CYP4X1: variants seen among roughly 807,000 people sequenced by gnomAD.
The protein encoded by CYP4X1 is cytochrome P450 family 4 subfamily X member 1, also known as cytochrome P450 4X1.
A neutral mutation model predicts 57.9 loss-of-function variants in CYP4X1; 44 were observed. The observed-to-expected ratio is 0.76, with a 90% CI of 0.60 to 0.98. The LOEUF (loss-of-function observed/expected upper bound fraction) is 0.98, where lower values mean the gene tolerates loss of function less well. Ranked by LOEUF, CYP4X1 falls within the 50% of genes least tolerant of loss-of-function variation. CYP4X1 has a pLI of 0.00. For synonymous variants in CYP4X1, 227 were observed against 228.6 expected, an observed-to-expected ratio of 0.99 and a Z score of 0.06; for missense variants, 532 against 623.9, an observed-to-expected ratio of 0.85 and a Z score of 1.57.
chr1:47,026,950 C>T (rs1239945139), intron 1 of CYP4X1, among the ~76,000 whole-genome samples: 9 of 151,964 alleles, frequency 5.9e-5, no homozygotes. Context: ...CTCCTGACCT[C>T]GTGATCCACC....
chr1:47,024,573 TATTC>T (rs980155931), intron 1 of CYP4X1, among the ~76,000 whole-genome samples: 6 of 152,216 alleles, frequency 3.9e-5, no homozygotes, highest in African/African-American at 1.4e-4. Context: ...TTAAGGTTTT[TATTC>T]ATTCAACCGA....
chr1:47,004,660 T>G, the CYP4X1 span, among the ~76,000 whole-genome samples: 1 of 152,244 alleles, frequency 6.6e-6, no homozygotes, highest in African/African-American at 2.4e-5. Flanking sequence ...TAGTAGCTCC[T>G]TGGAAATTGA....
chr1:47,018,610 C>A, the CYP4X1 span, among the ~76,000 whole-genome samples: 2 of 152,072 alleles, frequency 1.3e-5, no homozygotes, highest in Non-Finnish European at 2.9e-5. Flanking sequence ...CCCAGTAGTA[C>A]TCTCTGTTTC....
the CYP4X1 span, among the ~76,000 whole-genome samples, chr1:47,004,912 C>T: frequency 1.3e-5 from 2 of 152,186 alleles, no homozygotes; most frequent in Non-Finnish European, 2.9e-5. Context: ...GAAACCCACC[C>T]AGCCTCCAGT....
At chr1:47,010,072 T>A in the CYP4X1 span, among the ~76,000 whole-genome samples, 1 of 152,152 alleles carries the variant, frequency 6.6e-6, no homozygotes, top group South Asian at 2.1e-4. Flanking sequence ...GAGGCCAGCA[T>A]CATCCTGATA....
At chr1:46,985,497 C>A in the CYP4X1 span, among the ~76,000 whole-genome samples, 2 of 152,202 alleles carry the variant, frequency 1.3e-5, no homozygotes, top group Non-Finnish European at 2.9e-5. Context: ...GATCTCCCAG[C>A]ACAGCGTTCG....
chr1:47,028,747 A>T, intron 1 of CYP4X1, among the ~76,000 whole-genome samples: 1 of 152,232 alleles, frequency 6.6e-6, no homozygotes, highest in African/African-American at 2.4e-5. Context: ...TACAATATTC[A>T]TGAGGGCAAA....
At position 47,024,012 on chromosome 1, in the gene CYP4X1, G is replaced by A; in HGVS notation, c.177+18G>A. ...ACCAGAAGGTAGATGGGAGGGAGGA[G>A]GGAGGAAGGAGGAGGGAGGGGCGGA... On this transcript the variant is annotated intron_variant, in intron 1 of 11. Coordinates refer to ENST00000371901, the MANE Select transcript of CYP4X1 (RefSeq NM_178033.2). 1 of 1,605,882 alleles carries A rather than the reference G, an allele frequency of 6.2e-7. No homozygotes were observed. The highest frequency in any genetic ancestry group is 8.5e-7 in the Non-Finnish European group (1 of 1,175,622).
At chr1:47,015,078 G>C in the CYP4X1 span, among the ~76,000 whole-genome samples, 1 of 152,268 alleles carries the variant, frequency 6.6e-6, no homozygotes, top group African/African-American at 2.4e-5. Flanking sequence ...TGCAGTTGTA[G>C]CATGAATCCG....
rs1229618097 is a variant in CYP4X1, at chr1:47,048,630, G to C, written c.1272+1G>C. 6.2e-7 allele frequency: 1 copy of C among 1,611,112 alleles called. No homozygotes were observed. Among genetic ancestry groups the C allele is most frequent in the Admixed American group, 1.7e-5 (1 of 59,376 alleles). On this transcript the variant is annotated splice_donor_variant, in intron 10 of 11. Transcript: ENST00000371901. LOFTEE classifies it high-confidence loss of function. ...CCCTGCTGTCTGGAAAAACCCAAAGGTATGATTCTCTCTTGTACATAAATA... is the reference window on the plus strand; with the variant it reads ...CCCTGCTGTCTGGAAAAACCCAAAGCTATGATTCTCTCTTGTACATAAATA...
chr1:47,019,623 T>C (rs1643975981), upstream of CYP4X1, among the ~76,000 whole-genome samples: 1 of 152,218 alleles, frequency 6.6e-6, no homozygotes, highest in Admixed American at 6.5e-5. Flanking sequence ...TCATATCTTA[T>C]CTGAATATTG....
At chr1:47,015,477 A>G in the CYP4X1 span, among the ~76,000 whole-genome samples, 2 of 152,232 alleles carry the variant, frequency 1.3e-5, no homozygotes, top group Non-Finnish European at 2.9e-5. Flanking sequence ...GTTATCCAGC[A>G]TTAGAGATAC....
chr1:47,028,537 A>G (rs887249440), intron 1 of CYP4X1, among the ~76,000 whole-genome samples: 12 of 152,222 alleles, frequency 7.9e-5, no homozygotes, highest in South Asian at 2.1e-4. Context: ...TTTACTAAAT[A>G]TATGTAGTAC....
At chr1:47,025,289 T>C (rs1473993276) in intron 1 of CYP4X1, among the ~76,000 whole-genome samples, 1 of 152,198 alleles carries the variant, frequency 6.6e-6, no homozygotes, top group Non-Finnish European at 1.5e-5. Context: ...TCACTTCCAC[T>C]ATGAGTGGAA....
intron 3 of CYP4X1, among the ~76,000 whole-genome samples, chr1:47,033,017 A>C (rs959001595): frequency 6.6e-6 from 1 of 152,192 alleles, no homozygotes; most frequent in Non-Finnish European, 1.5e-5. Flanking sequence ...TTAGACTTTG[A>C]AACTGTTTCT....
At chr1:47,054,562 T>A (rs879518639), downstream of CYP4X1, among the ~76,000 whole-genome samples, 4,666 of 152,256 alleles carry the variant, frequency 0.031, 110 homozygotes, top group Non-Finnish European at 0.047. Context: ...CATGGAATGT[T>A]CTTCCATTTG....
the CYP4X1 span, among the ~76,000 whole-genome samples, chr1:46,992,457 A>T: frequency 3.3e-5 from 5 of 152,162 alleles, no homozygotes; most frequent in Admixed American, 2.0e-4. Context: ...AACTTTCTGG[A>T]TCTATGAATT....
chr1:47,030,207 A>T, intron 2 of CYP4X1, 76 bp downstream of exon 2: 1 of 1,527,578 alleles, frequency 6.5e-7, no homozygotes, highest in South Asian at 1.3e-5. Context: ...CAAGATTCCA[A>T]AGCAAAGATT....
the CYP4X1 span, among the ~76,000 whole-genome samples, chr1:46,983,995 C>T: frequency 6.6e-6 from 1 of 152,106 alleles, no homozygotes; most frequent in Non-Finnish European, 1.5e-5. Context: ...GTTGGCAGAG[C>T]TACAGCAGCT....
Sources: gnomAD v4.1 joint callset for allele counts (sites outside exome capture counted in the v4.1 genomes callset) on GRCh38, gnomAD v4.1.1 for gene constraint, MANE v1.5 for transcripts, NCBI Gene and HGNC (gene_info 2026-07-23, HGNC 2026-07-21) for gene names.